SLCO4C1: variants seen among roughly 807,000 people sequenced by gnomAD.
SLCO4C1 encodes solute carrier organic anion transporter family member 4C1.
A neutral mutation model predicts 72.1 loss-of-function variants in SLCO4C1; 58 were observed. The observed-to-expected ratio is 0.80, with a 90% confidence interval of 0.65 to 1.00. The LOEUF is 1.00. SLCO4C1 is among the 50% of genes least tolerant of loss of function. SLCO4C1 has a pLI of 0.00. For synonymous variants in SLCO4C1, 297 were observed against 312.5 expected, an observed-to-expected ratio of 0.95 and a Z score of 0.52; for missense variants, 898 against 857.9, an observed-to-expected ratio of 1.05 and a Z score of -0.58.
chr5:102,268,438 C>T (rs1749086369), intron 3 of SLCO4C1, among the ~76,000 whole-genome samples: 1 of 152,072 alleles, frequency 6.6e-6, no homozygotes, highest in African/African-American at 2.4e-5. Context: ...TTTTGGTTTA[C>T]AATTACAACT....
At chr5:102,255,634 T>C (rs1031327528) in intron 8 of SLCO4C1, among the ~76,000 whole-genome samples, 1 of 152,150 alleles carries the variant, frequency 6.6e-6, no homozygotes, top group African/African-American at 2.4e-5. Context: ...ATATTCCCTC[T>C]CCCTTTCTCT....
At chr5:102,264,768 A>T (rs1463106997) in intron 3 of SLCO4C1, among the ~76,000 whole-genome samples, 2 of 151,892 alleles carry the variant, frequency 1.3e-5, no homozygotes, top group African/African-American at 4.8e-5. Context: ...ATCTCTCCAT[A>T]TCCTCCCCTT....
intron 3 of SLCO4C1, among the ~76,000 whole-genome samples, chr5:102,267,138 A>G (rs1430180562): frequency 6.6e-6 from 1 of 152,152 alleles, no homozygotes; most frequent in Non-Finnish European, 1.5e-5. Flanking sequence ...TACTGGTCTC[A>G]GAATAAGTTA....
chr5:102,295,888 A>T lies in SLCO4C1; in HGVS notation c.355+20T>A, dbSNP rs3114659. ...CTCGCTCTCCACTGGCCCGAGCCTCAAGCGGGCGCTGGACTTTACCTTGCG... is the reference window on the plus strand; with the variant it reads ...CTCGCTCTCCACTGGCCCGAGCCTCTAGCGGGCGCTGGACTTTACCTTGCG... On this transcript the variant is annotated intron_variant, in intron 1 of 12. Transcript: ENST00000310954. 6.3e-7 allele frequency: 1 copy of T among 1,595,802 alleles called. No individual in the cohort carries two copies. The highest frequency in any genetic ancestry group is 1.1e-5 in the South Asian group (1 of 89,244).
chr5:102,261,987 TCCA>T lies in SLCO4C1; in HGVS notation c.943_945del (p.Trp315del), dbSNP rs755366995. 3 of 1,612,934 alleles carry T rather than the reference TCCA, an allele frequency of 1.9e-6. No homozygotes were observed. The South Asian group carries it at 3.3e-5, about 18-fold the overall frequency. ...AAGATCCATGATAGAAGAAACCCAA[TCCA>T]CCAAGCTCCCAACCATCGCGGATCA... On this transcript the variant is annotated inframe_deletion, in exon 5 of 13. Transcript: ENST00000310954.
chr5:102,280,190 G>A (rs28864102), intron 2 of SLCO4C1, among the ~76,000 whole-genome samples: 28,636 of 149,756 alleles, frequency 0.19, 3,645 homozygotes, highest in Non-Finnish European at 0.25. Flanking sequence ...AAACATGACT[G>A]TCTACATAGA....
intron 2 of SLCO4C1, among the ~76,000 whole-genome samples, chr5:102,271,828 T>C (rs2112377309): frequency 6.6e-6 from 1 of 152,206 alleles, no homozygotes; most frequent in East Asian, 1.9e-4. Flanking sequence ...AGATATAAGA[T>C]AGGTGGATAA....
chr5:102,267,888 A>G (rs1349638841), intron 3 of SLCO4C1, among the ~76,000 whole-genome samples: 2 of 151,942 alleles, frequency 1.3e-5, no homozygotes, highest in Non-Finnish European at 2.9e-5. Context: ...ATTTTCATCT[A>G]TTTGTATAGT....
At chr5:102,247,102 G>A (rs1748648915) in intron 10 of SLCO4C1, 150 bp downstream of exon 10, 1 of 470,620 alleles carries the variant, frequency 2.1e-6, no homozygotes, top group Non-Finnish European at 3.6e-6. Context: ...CTACAGAGGA[G>A]CTTGTCCAAT....
intron 2 of SLCO4C1, among the ~76,000 whole-genome samples, chr5:102,288,614 C>G (rs894507099): frequency 6.6e-6 from 1 of 152,172 alleles, no homozygotes; most frequent in African/African-American, 2.4e-5. Context: ...CAAGCACAAT[C>G]TAAATGCCTC....
At chr5:102,276,180 G>C (rs1177918319) in intron 2 of SLCO4C1, among the ~76,000 whole-genome samples, 1 of 152,184 alleles carries the variant, frequency 6.6e-6, no homozygotes, top group South Asian at 2.1e-4. Flanking sequence ...GTCATGAATA[G>C]TAAATATTGG....
At position 102,247,459 on chromosome 5, in the gene SLCO4C1, T is replaced by C. The variant is rs545436411; in HGVS notation, c.1621-17A>G. 6.9e-6 allele frequency: 10 copies of C among 1,448,854 alleles called. No homozygotes were observed. The highest frequency in any genetic ancestry group is 1.9e-4 in the Middle Eastern group (1 of 5,134). 89.7% of individuals were successfully genotyped at this position (1,448,854 alleles called of 1,614,324 possible). On this transcript the variant is annotated splice_polypyrimidine_tract_variant and intron_variant, in intron 9 of 12. Transcript: ENST00000310954. ...GTAATATACCTAAAAATATTAGACATAAAAACAATGAAAGTGATCATTTAG... is the reference window on the plus strand; with the variant it reads ...GTAATATACCTAAAAATATTAGACACAAAAACAATGAAAGTGATCATTTAG...
At chr5:102,265,950 G>A (rs1425282790) in intron 3 of SLCO4C1, among the ~76,000 whole-genome samples, 1 of 152,008 alleles carries the variant, frequency 6.6e-6, no homozygotes, top group East Asian at 1.9e-4. Flanking sequence ...CATGAGCATG[G>A]GATGCCTTTC....
chr5:102,270,508 G>A (rs1749130094), intron 3 of SLCO4C1, 116 bp downstream of exon 3: 2 of 729,712 alleles, frequency 2.7e-6, no homozygotes. Flanking sequence ...TTTATTTATT[G>A]GGAAAACCTA....
Position 102,270,787 on chromosome 5 carries a change from C to G in SLCO4C1, c.639G>C (p.Arg213Ser). Residue 213 changes from arginine (R) to serine (S), a missense_variant, in exon 3 of 13, where the codon AGG (arginine) becomes AGC (serine). Physicochemically the swap from Arg to Ser is moderately radical, Grantham distance 110 (BLOSUM62 -1). Transcript: ENST00000310954. The part of the protein sequence containing the change: ...SLFEDTCVTT[R>S]NSTSCTSSTS... ...TTGAAGATGTACAACTGGTGCTATT[C>G]CTTGTTGTTACACAAGTGTCTTTGT... 1 of 1,590,472 alleles carries G rather than the reference C, an allele frequency of 6.3e-7. No homozygotes were observed. Among genetic ancestry groups the G allele is most frequent in the Non-Finnish European group, 8.5e-7 (1 of 1,171,096 alleles).
chr5:102,268,821 A>AT (rs1370327309), intron 3 of SLCO4C1, among the ~76,000 whole-genome samples: 4 of 151,964 alleles, frequency 2.6e-5, no homozygotes, highest in East Asian at 1.9e-4. Flanking sequence ...TCCTTTAAGC[A>AT]TTTTTTGTAG....
In SLCO4C1 at chr5:102,236,692, G is replaced by T; in HGVS notation, c.*166C>A. The stretch of plus-strand genomic sequence containing the variant: ...CTTTGAAGGCACAGGTCTGTTTCTT[G>T]CATAAAACAAAAACTACATAAGTAA... On this transcript the variant is annotated 3_prime_UTR_variant, in exon 13 of 13. Transcript: ENST00000310954. The T allele has an allele frequency of 4.3e-6, 3 of 697,304 alleles. No homozygotes were observed. The highest frequency in any genetic ancestry group is 6.7e-6 in the Non-Finnish European group (3 of 449,476). 43.2% of individuals were successfully genotyped at this position (697,304 alleles called of 1,614,324 possible).
intron 2 of SLCO4C1, among the ~76,000 whole-genome samples, chr5:102,283,403 A>G (rs910860524): frequency 6.6e-6 from 1 of 152,030 alleles, no homozygotes; most frequent in Non-Finnish European, 1.5e-5. Context: ...TCTGACTCTC[A>G]TATCTCTGCT....
chr5:102,249,962 G>A (rs898925763), intron 8 of SLCO4C1, among the ~76,000 whole-genome samples, 174 bp from the exon 9 acceptor site: 3 of 152,106 alleles, frequency 2.0e-5, no homozygotes, highest in South Asian at 2.1e-4. Flanking sequence ...GTCGGAGAGA[G>A]GCAATAAAAA....
Sources: gnomAD v4.1 joint callset for allele counts (sites outside exome capture counted in the v4.1 genomes callset) on GRCh38, gnomAD v4.1.1 for gene constraint, MANE v1.5 for transcripts, NCBI Gene and HGNC (gene_info 2026-07-23, HGNC 2026-07-21) for gene names.